Variants in AKAP19 observed in about 807,000 individuals in gnomAD.
AKAP19 encodes the protein small A-kinase anchoring protein.
the AKAP19 span, among the ~76,000 whole-genome samples, chr2:190,154,417 G>A: frequency 5.3e-5 from 8 of 152,144 alleles, no homozygotes; most frequent in East Asian, 1.9e-4. Context: ...ATATTCTATA[G>A]CTTTGACTTC....
the AKAP19 span, among the ~76,000 whole-genome samples, chr2:190,145,979 C>T: frequency 6.9e-6 from 1 of 145,974 alleles, no homozygotes; most frequent in African/African-American, 2.5e-5. Flanking sequence ...TTCCATTTTT[C>T]TTTTTTTTTT....
At chr2:190,129,455 C>G in the AKAP19 span, among the ~76,000 whole-genome samples, 1 of 152,248 alleles carries the variant, frequency 6.6e-6, no homozygotes, top group African/African-American at 2.4e-5. Flanking sequence ...GCCATGTGCC[C>G]TGATTATGTT....
At chr2:189,994,510 T>A in the AKAP19 span, among the ~76,000 whole-genome samples, 1 of 152,096 alleles carries the variant, frequency 6.6e-6, no homozygotes, top group Admixed American at 6.6e-5. Context: ...CCATTATCAT[T>A]CAGTTCAAAA....
the AKAP19 span, among the ~76,000 whole-genome samples, chr2:190,126,641 A>G: frequency 3.3e-5 from 5 of 152,170 alleles, no homozygotes; most frequent in African/African-American, 9.7e-5. Context: ...CTTATCTACA[A>G]TAACTCTTGA....
At chr2:190,191,697 T>C in the AKAP19 span, among the ~76,000 whole-genome samples, 1 of 152,244 alleles carries the variant, frequency 6.6e-6, no homozygotes, top group Non-Finnish European at 1.5e-5. Context: ...GGCTGTAATT[T>C]GCATTTCCCT....
the AKAP19 span, among the ~76,000 whole-genome samples, chr2:190,166,813 G>A: frequency 1.3e-5 from 2 of 151,886 alleles, no homozygotes; most frequent in African/African-American, 2.4e-5. Context: ...GTAAAACATG[G>A]AAATAGTCCC....
chr2:190,176,957 A>G, the AKAP19 span, among the ~76,000 whole-genome samples: 1 of 152,204 alleles, frequency 6.6e-6, no homozygotes, highest in Non-Finnish European at 1.5e-5. This position sits in a 1 kb window ranked among gnomAD's most constrained non-coding sequence, Gnocchi z 4.7. Context: ...AGTGAGAAAT[A>G]TATGTAAGAA....
At chr2:190,163,467 A>G in the AKAP19 span, among the ~76,000 whole-genome samples, 1 of 150,804 alleles carries the variant, frequency 6.6e-6, no homozygotes, top group Non-Finnish European at 1.5e-5. Context: ...AAAAAAAAAA[A>G]AACTGAGTCT....
chr2:189,923,666 T>G, the AKAP19 span: 1 of 1,613,938 alleles, frequency 6.2e-7, no homozygotes, highest in Non-Finnish European at 8.5e-7. Context: ...CTCTTTTGAC[T>G]TGGATTGTGA....
chr2:190,198,373 G>A, the AKAP19 span, among the ~76,000 whole-genome samples: 1 of 152,144 alleles, frequency 6.6e-6, no homozygotes, highest in Non-Finnish European at 1.5e-5. Flanking sequence ...AGGCACAGTG[G>A]CTCACGCCAG....
the AKAP19 span, among the ~76,000 whole-genome samples, chr2:189,965,101 T>C: frequency 3.9e-5 from 6 of 152,156 alleles, no homozygotes; most frequent in Non-Finnish European, 8.8e-5. Flanking sequence ...AAGGCCATTG[T>C]AGGGTTCTAA....
chr2:190,057,646 A>G, the AKAP19 span: 2 of 1,612,788 alleles, frequency 1.2e-6, no homozygotes, highest in Non-Finnish European at 1.7e-6. Flanking sequence ...ATTCTGTTTG[A>G]AAAGGAAAGA....
the AKAP19 span, among the ~76,000 whole-genome samples, chr2:190,086,974 G>A: frequency 6.6e-6 from 1 of 152,134 alleles, no homozygotes; most frequent in Non-Finnish European, 1.5e-5. Flanking sequence ...CCTGGAAAAA[G>A]TATTCCTTCC....
the AKAP19 span, among the ~76,000 whole-genome samples, chr2:189,905,734 A>C: frequency 6.6e-6 from 1 of 152,056 alleles, no homozygotes; most frequent in East Asian, 1.9e-4. Flanking sequence ...GGGCAAAAGA[A>C]AGCTTGGGAA....
the AKAP19 span, among the ~76,000 whole-genome samples, chr2:190,139,275 A>C: frequency 3.9e-5 from 6 of 152,164 alleles, no homozygotes; most frequent in African/African-American, 1.4e-4. Context: ...GGATTTAGGC[A>C]AAGGAGCAAA....
At chr2:190,021,282 T>C in the AKAP19 span, among the ~76,000 whole-genome samples, 1 of 152,264 alleles carries the variant, frequency 6.6e-6, no homozygotes, top group African/African-American at 2.4e-5. Context: ...CAAAAAGCTA[T>C]TGATTTTGTA....
the AKAP19 span, among the ~76,000 whole-genome samples, chr2:190,106,688 T>C: frequency 6.6e-6 from 1 of 152,166 alleles, no homozygotes; most frequent in African/African-American, 2.4e-5. Flanking sequence ...AGGTATCTTA[T>C]AGCAATCATC....
chr2:190,069,904 G>T, the AKAP19 span, among the ~76,000 whole-genome samples: 40 of 152,236 alleles, frequency 2.6e-4, no homozygotes, highest in Admixed American at 2.4e-3. Context: ...ATAAAGAGAT[G>T]GAGAAACTGA....
the AKAP19 span, among the ~76,000 whole-genome samples, chr2:189,894,996 A>C: frequency 1.3e-5 from 2 of 152,074 alleles, no homozygotes; most frequent in South Asian, 4.1e-4. Context: ...ACTTCTCAGT[A>C]CTGAATTCTA....
Sources: gnomAD v4.1 joint callset for allele counts (sites outside exome capture counted in the v4.1 genomes callset) on GRCh38, gnomAD v4.1.1 for gene constraint, Gnocchi (gnomAD v3.1) non-coding constraint, MANE v1.5 for transcripts, NCBI Gene and HGNC (gene_info 2026-07-23, HGNC 2026-07-21) for gene names.